Variants in NKAIN3 observed in about 807,000 individuals in gnomAD.
The protein encoded by NKAIN3 is sodium/potassium-transporting ATPase subunit beta-1-interacting protein 3.
Under a neutral mutation model 30.2 loss-of-function variants are expected in NKAIN3, and 25 were observed. That is an observed-to-expected ratio of 0.83 (90% confidence interval 0.60 to 1.16). NKAIN3 has a LOEUF of 1.16. Among genes scored for constraint, NKAIN3 ranks in the 50% most tolerant of loss-of-function variants. The pLI is 0.00. For missense variants in NKAIN3, 225 were observed against 254.1 expected, an observed-to-expected ratio of 0.89 and a Z score of 0.78; for synonymous variants, 91 against 89.6, an observed-to-expected ratio of 1.02 and a Z score of -0.09.
intron 1 of NKAIN3, among the ~76,000 whole-genome samples, chr8:62,289,037 C>G (rs1813480025): frequency 6.6e-6 from 1 of 152,140 alleles, no homozygotes; most frequent in Non-Finnish European, 1.5e-5. Flanking sequence ...GCGTAAATGT[C>G]TTCTTTTGAG....
At chr8:62,705,248 A>C (rs1422716853) in intron 3 of NKAIN3, among the ~76,000 whole-genome samples, 1 of 152,222 alleles carries the variant, frequency 6.6e-6, no homozygotes, top group Non-Finnish European at 1.5e-5. Flanking sequence ...ATACTACTTT[A>C]TCATTTTTCA....
chr8:62,279,948 T>C (rs1185530058), intron 1 of NKAIN3, among the ~76,000 whole-genome samples: 1 of 152,242 alleles, frequency 6.6e-6, no homozygotes, highest in Non-Finnish European at 1.5e-5. Flanking sequence ...GCATTGAATC[T>C]ATAAATTACC....
At chr8:62,342,760 GAATGTATT>G (rs1451949471) in intron 1 of NKAIN3, among the ~76,000 whole-genome samples, 4 of 152,114 alleles carry the variant, frequency 2.6e-5, no homozygotes, top group Non-Finnish European at 5.9e-5. Flanking sequence ...TCTTTGAAAA[GAATGTATT>G]AATAATGTCC....
chr8:62,760,451 A>G (rs542602080), intron 4 of NKAIN3, among the ~76,000 whole-genome samples: 1 of 152,318 alleles, frequency 6.6e-6, no homozygotes, highest in East Asian at 1.9e-4. Context: ...CAGCCATAAA[A>G]TATGATGAAT....
At chr8:62,726,555 C>T (rs1392968719) in intron 3 of NKAIN3, among the ~76,000 whole-genome samples, 1 of 152,032 alleles carries the variant, frequency 6.6e-6, no homozygotes, top group African/African-American at 2.4e-5. Flanking sequence ...GAAATGATCA[C>T]ATGGTTTTTA....
At chr8:62,708,754 C>T (rs780006653) in intron 3 of NKAIN3, among the ~76,000 whole-genome samples, 1 of 152,138 alleles carries the variant, frequency 6.6e-6, no homozygotes, top group Non-Finnish European at 1.5e-5. Flanking sequence ...ACTTCCAGTA[C>T]TATGTTGAAG....
At chr8:62,931,167 C>G (rs918763682) in intron 5 of NKAIN3, among the ~76,000 whole-genome samples, 13 of 152,138 alleles carry the variant, frequency 8.5e-5, no homozygotes, top group Non-Finnish European at 1.6e-4. Flanking sequence ...AAAACATTCG[C>G]TGGTTTTTAA....
At chr8:62,489,492 G>A (rs1417056614) in intron 1 of NKAIN3, among the ~76,000 whole-genome samples, 2 of 152,100 alleles carry the variant, frequency 1.3e-5, no homozygotes, top group Non-Finnish European at 2.9e-5. Flanking sequence ...GGTCTCTGAA[G>A]GTCTTTGCAG....
chr8:62,374,360 G>A (rs918701946), intron 1 of NKAIN3, among the ~76,000 whole-genome samples: 2 of 152,074 alleles, frequency 1.3e-5, no homozygotes, highest in Non-Finnish European at 2.9e-5. Flanking sequence ...CATAAGTACT[G>A]GCAATTGCAG....
chr8:62,284,587 G>A (rs10099748), intron 1 of NKAIN3, among the ~76,000 whole-genome samples: 92,394 of 151,696 alleles, frequency 0.61, 28,301 homozygotes, highest in East Asian at 0.68. Context: ...CCAAGATTGC[G>A]CCATTTCACT....
chr8:62,738,643 T>C (rs1815756195), intron 3 of NKAIN3, among the ~76,000 whole-genome samples: 1 of 151,952 alleles, frequency 6.6e-6, no homozygotes. Flanking sequence ...AGTGTCTGTT[T>C]ATATCATATC....
chr8:62,333,546 G>A lies in NKAIN3; in HGVS notation c.54+84419G>A, dbSNP rs141938148. On this transcript the variant is annotated intron_variant, in intron 1 of 6. Transcript: ENST00000623646. ...ATCTTGTAATAGTCACATTTCTCTC[G>A]TTGTTTTATGAAGTCAGGTGTAAAT... Among the ~76,000 whole-genome samples, 319 of 152,118 alleles carry A rather than the reference G, an allele frequency of 2.1e-3. 2 individuals carry two copies. Among genetic ancestry groups the A allele is most frequent in the East Asian group, 6.8e-3 (35 of 5,154 alleles).
chr8:62,670,815 G>A (rs1013250189), intron 3 of NKAIN3, among the ~76,000 whole-genome samples: 9 of 151,596 alleles, frequency 5.9e-5, no homozygotes, highest in Admixed American at 3.3e-4. Flanking sequence ...TGTGGTATGG[G>A]GGTCCAAAAC....
chr8:62,663,369 G>A (rs540340988), intron 3 of NKAIN3, among the ~76,000 whole-genome samples: 1 of 152,316 alleles, frequency 6.6e-6, no homozygotes, highest in Non-Finnish European at 1.5e-5. Context: ...CAGTAATTAT[G>A]AGAAGCTGAG....
In NKAIN3 at chr8:62,982,305, T is replaced by A. The variant is rs1824101294; in HGVS notation, c.*16898T>A. 6.6e-6 allele frequency: 1 copy of A among 152,190 alleles called. No individual in the cohort carries two copies. Among genetic ancestry groups the A allele is most frequent in the African/African-American group, 2.4e-5 (1 of 41,432 alleles). The allele number at this position is 152,190 out of a possible 1,614,324, so 9.4% of individuals were successfully genotyped here. A position where few individuals can be genotyped will look rare whatever the true frequency, so the allele number is the denominator to read the frequency against. ...ACTTAAATAAGATCTTATTTTCATC[T>A]GCTGGAAAACTTTTTCTGATAACCA... On this transcript the variant is annotated 3_prime_UTR_variant, in exon 7 of 7. Coordinates refer to ENST00000623646, the MANE Select transcript of NKAIN3 (RefSeq NM_001304533.3).
chr8:62,512,633 G>C (rs1449373659), intron 1 of NKAIN3, among the ~76,000 whole-genome samples: 1 of 152,030 alleles, frequency 6.6e-6, no homozygotes, highest in East Asian at 1.9e-4. Context: ...AGTGACATTG[G>C]GGAAGGAGGC....
intron 1 of NKAIN3, among the ~76,000 whole-genome samples, chr8:62,395,243 C>G (rs1817713907): frequency 6.8e-6 from 1 of 147,932 alleles, no homozygotes; most frequent in Admixed American, 6.7e-5. Context: ...GGAGAGGTGG[C>G]CAGGCAGAGG....
chr8:62,585,104 T>G (rs1223647317), intron 2 of NKAIN3, among the ~76,000 whole-genome samples: 3 of 152,214 alleles, frequency 2.0e-5, no homozygotes, highest in Non-Finnish European at 4.4e-5. Context: ...ACTGCCTTGC[T>G]TATCTCAGCC....
At chr8:62,379,660 C>T (rs1467032745) in intron 1 of NKAIN3, among the ~76,000 whole-genome samples, 1 of 151,650 alleles carries the variant, frequency 6.6e-6, no homozygotes, top group East Asian at 2.0e-4. Context: ...AAAGAGGTGC[C>T]TTCTGCTATG....
Sources: allele counts gnomAD v4.1 joint callset (sites outside exome capture counted in the v4.1 genomes callset), GRCh38; gene constraint gnomAD v4.1.1; transcripts MANE v1.5; gene names NCBI Gene and HGNC (gene_info 2026-07-23, HGNC 2026-07-21).